Variants in TTC39B observed in about 807,000 individuals in gnomAD.
TTC39B encodes the protein tetratricopeptide repeat domain 39B.
A neutral mutation model predicts 96.6 loss-of-function variants in TTC39B; 92 were observed. The ratio of observed to expected loss-of-function variants is 0.95; its 90% confidence interval spans 0.80 to 1.13. TTC39B has a LOEUF of 1.13. Ranked by LOEUF, TTC39B falls within the 50% of genes most tolerant of loss-of-function variation. The pLI is 0.00. For synonymous variants in TTC39B, 367 were observed against 299.4 expected (o/e 1.23, Z -2.33); for missense variants, 955 against 809.3 (o/e 1.18, Z -2.18).
chr9:15,259,931 G>C (rs10961943), intron 2 of TTC39B, among the ~76,000 whole-genome samples: 4,807 of 152,252 alleles, frequency 0.032, 253 homozygotes, highest in African/African-American at 0.11. Flanking sequence ...GGATGCCCCA[G>C]CTAAGAGTGG....
intron 7 of TTC39B, among the ~76,000 whole-genome samples, chr9:15,202,514 C>A (rs914289723): frequency 4.6e-5 from 7 of 152,072 alleles, no homozygotes; most frequent in Non-Finnish European, 4.4e-5. Flanking sequence ...GAGTTCGAGA[C>A]CAGCCTGACC....
At position 15,307,065 on chromosome 9, in the gene TTC39B, A is replaced by C; in HGVS notation, c.240+19T>G. On this transcript the variant is annotated intron_variant, in intron 1 of 19. Transcript: ENST00000512701. ...CCAGGGCTTCAGGGGCCGGGCCCGC[A>C]ATCCCCATCGGATCGTACCTCGTCC... 1.9e-6 allele frequency: 3 copies of C among 1,608,608 alleles called. No homozygotes were observed. Among genetic ancestry groups the C allele is most frequent in the Middle Eastern group, 1.7e-4 (1 of 6,052 alleles).
chr9:15,301,269 G>A (rs1415051537), intron 1 of TTC39B, among the ~76,000 whole-genome samples: 2 of 152,234 alleles, frequency 1.3e-5, no homozygotes, highest in African/African-American at 4.8e-5. Context: ...TGCTTTGAAT[G>A]ATAAATTATA....
chr9:15,303,533 A>C (rs1824666028), intron 1 of TTC39B, among the ~76,000 whole-genome samples: 1 of 152,096 alleles, frequency 6.6e-6, no homozygotes, highest in Non-Finnish European at 1.5e-5. Flanking sequence ...CACCATGCCC[A>C]GCTAACTATT....
intron 1 of TTC39B, among the ~76,000 whole-genome samples, chr9:15,287,969 A>AAAAC (rs1554633425): frequency 1.4e-4 from 16 of 111,096 alleles, no homozygotes; most frequent in South Asian, 3.4e-4. Context: ...AAAAAAAAAA[A>AAAAC]CATAAAAAAA....
chr9:15,237,458 C>CTAT (rs1289691806), intron 2 of TTC39B, among the ~76,000 whole-genome samples: 1 of 151,886 alleles, frequency 6.6e-6, no homozygotes, highest in Non-Finnish European at 1.5e-5. Context: ...ATATTACAAC[C>CTAT]AATACCACAG....
chr9:15,257,091 G>A (rs377765512), intron 2 of TTC39B, among the ~76,000 whole-genome samples: 25 of 152,304 alleles, frequency 1.6e-4, no homozygotes, highest in African/African-American at 5.8e-4. Flanking sequence ...TGTTTTAGGT[G>A]TGACAACAGT....
intron 1 of TTC39B, among the ~76,000 whole-genome samples, chr9:15,270,203 G>A (rs1289150972): frequency 6.6e-6 from 1 of 152,028 alleles, no homozygotes; most frequent in East Asian, 1.9e-4. Context: ...AACAGTGGCA[G>A]AACTGAGTTT....
rs1161175672 is a variant in TTC39B at position 15,281,625 on chromosome 9, CAAAAAAAA to C, written c.241-13685_241-13678del. Among the ~76,000 whole-genome samples the C allele has an allele frequency of 3.9e-4, 19 of 49,002 alleles. 1 individual carries two copies. Among genetic ancestry groups the C allele is most frequent in the African/African-American group, 1.0e-3 (11 of 10,512 alleles). The allele number at this position is 49,002 out of a possible 152,430, so 32.1% of individuals were successfully genotyped here. A position where few individuals can be genotyped will look rare whatever the true frequency, so the allele number is the denominator to read the frequency against. ...CCTACCAACATCCCCCCTGCAACAG[CAAAAAAAA>C]AAAAAAAAAAAAAAAAATGGCAAAA... On this transcript the variant is annotated intron_variant, in intron 1 of 19. Coordinates refer to ENST00000512701, the Ensembl canonical transcript of TTC39B.
intron 5 of TTC39B, among the ~76,000 whole-genome samples, 158 bp downstream of exon 5, chr9:15,211,108 T>C (rs868194904): frequency 6.6e-6 from 1 of 151,148 alleles, no homozygotes; most frequent in Non-Finnish European, 1.5e-5. Context: ...AATATGTAGA[T>C]GCCAAATGGG....
At chr9:15,214,567 T>A (rs1298962115) in intron 3 of TTC39B, among the ~76,000 whole-genome samples, 1 of 152,138 alleles carries the variant, frequency 6.6e-6, no homozygotes, top group African/African-American at 2.4e-5. Context: ...TCTATAGGCA[T>A]GTTAATTTTG....
chr9:15,279,730 T>C (rs1823682558), intron 1 of TTC39B, among the ~76,000 whole-genome samples: 1 of 152,074 alleles, frequency 6.6e-6, no homozygotes, highest in African/African-American at 2.4e-5. Context: ...CCACACACAA[T>C]GCTTGGCACT....
chr9:15,219,812 G>A (rs1405365180), intron 3 of TTC39B, among the ~76,000 whole-genome samples: 1 of 152,128 alleles, frequency 6.6e-6, no homozygotes, highest in Non-Finnish European at 1.5e-5. Context: ...TATTCTCTCA[G>A]CGATGCAGTG....
At chr9:15,267,653 G>A (rs1047617394) in intron 2 of TTC39B, among the ~76,000 whole-genome samples, 1 of 152,126 alleles carries the variant, frequency 6.6e-6, no homozygotes, top group South Asian at 2.1e-4. Context: ...ACTATTAAAA[G>A]AGTTAGCTAT....
intron 1 of TTC39B, among the ~76,000 whole-genome samples, chr9:15,286,448 C>T (rs2890998): frequency 0.25 from 37,416 of 152,108 alleles, 5,573 homozygotes; most frequent in Non-Finnish European, 0.32. Flanking sequence ...AGACAGTGTC[C>T]TCCTAAGGGC....
chr9:15,205,128 G>T (rs1016261107), intron 6 of TTC39B, among the ~76,000 whole-genome samples: 1 of 152,076 alleles, frequency 6.6e-6, no homozygotes, highest in African/African-American at 2.4e-5. Context: ...CACTAACGCC[G>T]CCTCTAGTTC....
At chr9:15,201,860 A>C (rs567845753) in intron 7 of TTC39B, among the ~76,000 whole-genome samples, 16 of 152,316 alleles carry the variant, frequency 1.1e-4, no homozygotes, top group Admixed American at 1.0e-3. Context: ...TACTCAATCA[A>C]TCAGAGCTAC....
chr9:15,286,331 G>C (rs927273004), intron 1 of TTC39B, among the ~76,000 whole-genome samples: 1 of 152,176 alleles, frequency 6.6e-6, no homozygotes, highest in African/African-American at 2.4e-5. Flanking sequence ...AGCAGTCTTG[G>C]AGACTACAGC....
At chr9:15,264,229 T>C (rs1823042163) in intron 2 of TTC39B, among the ~76,000 whole-genome samples, 1 of 152,152 alleles carries the variant, frequency 6.6e-6, no homozygotes, top group Non-Finnish European at 1.5e-5. Flanking sequence ...CTAGCAAATA[T>C]GAAGGATGAA....
Sources: allele counts gnomAD v4.1 joint callset (sites outside exome capture counted in the v4.1 genomes callset), GRCh38; gene constraint gnomAD v4.1.1; transcripts MANE v1.5; gene names NCBI Gene and HGNC (gene_info 2026-07-23, HGNC 2026-07-21).